The following MIPOL1 variants were observed in gnomAD, a reference collection of about 807,000 sequenced individuals.
MIPOL1 encodes mirror-image polydactyly gene 1 protein.
In MIPOL1, 57 loss-of-function variants were observed where a neutral mutation model predicts 60.9. That is an observed-to-expected ratio of 0.94 (90% CI 0.76 to 1.17). The LOEUF is 1.17. MIPOL1 is among the 50% of genes most tolerant of loss of function. The probability of loss-of-function intolerance (pLI) is 0.00; values close to 1 mark genes in which losing one functional copy is unlikely to be tolerated. For synonymous variants in MIPOL1, 179 were observed against 168.8 expected, an observed-to-expected ratio of 1.06 and a Z score of -0.47; for missense variants, 551 against 511.6, an observed-to-expected ratio of 1.08 and a Z score of -0.74.
chr14:37,289,468 A>C (rs1464704048), intron 7 of MIPOL1, among the ~76,000 whole-genome samples: 1 of 152,222 alleles, frequency 6.6e-6, no homozygotes, highest in Non-Finnish European at 1.5e-5. Context: ...GTGTTCATAC[A>C]GTCCCCTCTT....
chr14:37,457,822 T>C (rs1946609498), intron 11 of MIPOL1, among the ~76,000 whole-genome samples: 1 of 152,180 alleles, frequency 6.6e-6, no homozygotes, highest in South Asian at 2.1e-4. Context: ...CTAAATCACC[T>C]GTAGTATCAC....
Position 37,546,925 on chromosome 14 carries a change from T to C in MIPOL1, c.1283T>C (p.Val428Ala). 6.2e-7 allele frequency: 1 copy of C among 1,613,634 alleles called. No homozygotes were observed. The highest frequency in any genetic ancestry group is 8.5e-7 in the Non-Finnish European group (1 of 1,179,792). The change falls in exon 13 of 13, where the codon GTA (valine) becomes GCA (alanine). Residue 428 changes from valine (V) to alanine (A), a missense_variant. Physicochemically the swap from Val to Ala is moderately conservative, Grantham distance 64. Transcript: ENST00000684589. ...KVQKLERLVD[V>A]LRKKVGTGTM... ...CTTAGGTTGGAAAGGCTGGTGGATG[T>C]ACTGAGGAAGAAGGTTGGAACCGGG... is the stretch of plus-strand genomic sequence containing the variant.
At chr14:37,445,560 T>A (rs1466608986) in intron 11 of MIPOL1, among the ~76,000 whole-genome samples, 11 of 151,178 alleles carry the variant, frequency 7.3e-5, no homozygotes, top group Admixed American at 7.2e-4. Flanking sequence ...TTCACAGAAT[T>A]GGAAAAAACT....
At chr14:37,233,879 T>G (rs1057184325) in intron 1 of MIPOL1, among the ~76,000 whole-genome samples, 1 of 152,208 alleles carries the variant, frequency 6.6e-6, no homozygotes, top group Non-Finnish European at 1.5e-5. Flanking sequence ...TCGAACATCT[T>G]AAAAAACTGT....
intron 10 of MIPOL1, among the ~76,000 whole-genome samples, chr14:37,398,621 T>TA (rs1271368257): frequency 1.3e-5 from 2 of 152,176 alleles, no homozygotes. Flanking sequence ...GAAAAAACAT[T>TA]AAACAGTTTT....
chr14:37,336,638 G>A (rs1465995975), intron 9 of MIPOL1, among the ~76,000 whole-genome samples: 1 of 151,660 alleles, frequency 6.6e-6, no homozygotes, highest in Non-Finnish European at 1.5e-5. Flanking sequence ...TTAAATTTCT[G>A]GTCTGATAAT....
chr14:37,309,904 G>T (rs1188044621), intron 9 of MIPOL1, among the ~76,000 whole-genome samples: 1 of 151,916 alleles, frequency 6.6e-6, no homozygotes, highest in Non-Finnish European at 1.5e-5. Flanking sequence ...GGCCAGGCTG[G>T]TCTTGAACTG....
chr14:37,333,925 T>C (rs1189108616), intron 9 of MIPOL1, among the ~76,000 whole-genome samples: 4 of 152,046 alleles, frequency 2.6e-5, no homozygotes, highest in Non-Finnish European at 5.9e-5. Context: ...ATAAAAAAGA[T>C]AAGACTATAT....
chr14:37,481,788 A>G (rs1000433211), intron 11 of MIPOL1, among the ~76,000 whole-genome samples: 4 of 152,204 alleles, frequency 2.6e-5, no homozygotes, highest in African/African-American at 9.6e-5. Flanking sequence ...ACGCTCATAT[A>G]TATCATCAAT....
chr14:37,362,676 T>G (rs1440808565), intron 9 of MIPOL1, among the ~76,000 whole-genome samples: 1 of 152,190 alleles, frequency 6.6e-6, no homozygotes, highest in Admixed American at 6.5e-5. Flanking sequence ...TTGGGGAAGT[T>G]CTCCTGGATA....
At position 37,408,242 on chromosome 14, in the gene MIPOL1, T is replaced by C. The variant is rs181424939; in HGVS notation, c.937-14613T>C. On this transcript the variant is annotated intron_variant, in intron 10 of 12. Coordinates refer to ENST00000684589, the MANE Select transcript of MIPOL1 (RefSeq NM_001388067.1). ...TAGAGTGATTATATCCAAAATTTTATTTTACTTTTCATATATTTTTATTTT... is the reference window on the plus strand; with the variant it reads ...TAGAGTGATTATATCCAAAATTTTACTTTACTTTTCATATATTTTTATTTT... Among the ~76,000 whole-genome samples the C allele has an allele frequency of 1.6e-3, 248 of 152,280 alleles. 3 individuals are homozygous for C. The highest frequency in any genetic ancestry group is 2.1e-3 in the South Asian group (10 of 4,824).
At chr14:37,494,562 G>T (rs181193918) in intron 11 of MIPOL1, among the ~76,000 whole-genome samples, 2 of 152,176 alleles carry the variant, frequency 1.3e-5, no homozygotes, top group African/African-American at 2.4e-5. Context: ...GGTCAGTGAT[G>T]CAGGGCTTTA....
At chr14:37,283,602 G>A (rs1053246821) in intron 6 of MIPOL1, among the ~76,000 whole-genome samples, 2 of 152,120 alleles carry the variant, frequency 1.3e-5, no homozygotes, top group Admixed American at 1.3e-4. Flanking sequence ...AATATGTCTA[G>A]GAGTTAAGTC....
intron 11 of MIPOL1, among the ~76,000 whole-genome samples, chr14:37,430,383 T>A (rs1353667460): frequency 6.6e-6 from 1 of 152,110 alleles, no homozygotes; most frequent in Non-Finnish European, 1.5e-5. Context: ...TGCCATTAAG[T>A]TGTGTCTATT....
chr14:37,404,309 T>C (rs1884406), intron 10 of MIPOL1, among the ~76,000 whole-genome samples: 148,775 of 152,286 alleles, frequency 0.98, 72,769 homozygotes, highest in East Asian at 1. Context: ...CTAGGAAATA[T>C]AAGCTAGGGA....
chr14:37,263,781 A>G (rs987426352), intron 3 of MIPOL1, among the ~76,000 whole-genome samples: 4 of 152,230 alleles, frequency 2.6e-5, no homozygotes, highest in African/African-American at 7.2e-5. Context: ...ATTAAACACT[A>G]AAGTGGATTA....
chr14:37,408,518 T>C (rs1462066794), intron 10 of MIPOL1, among the ~76,000 whole-genome samples: 1 of 152,124 alleles, frequency 6.6e-6, no homozygotes, highest in African/African-American at 2.4e-5. Flanking sequence ...TAGTCCCGGC[T>C]ACCCAGGAGG....
At chr14:37,528,054 G>T (rs1046764112) in intron 12 of MIPOL1, among the ~76,000 whole-genome samples, 3 of 152,022 alleles carry the variant, frequency 2.0e-5, no homozygotes, top group African/African-American at 2.4e-5. Flanking sequence ...GTGATCAAAA[G>T]AAATATTAAT....
At chr14:37,358,171 A>G (rs1165780919) in intron 9 of MIPOL1, among the ~76,000 whole-genome samples, 1 of 152,132 alleles carries the variant, frequency 6.6e-6, no homozygotes, top group Non-Finnish European at 1.5e-5. Context: ...ATATGAACTC[A>G]TCCTTTTTTA....
Sources: allele counts gnomAD v4.1 joint callset (sites outside exome capture counted in the v4.1 genomes callset), GRCh38; gene constraint gnomAD v4.1.1; transcripts MANE v1.5; gene names NCBI Gene and HGNC (gene_info 2026-07-23, HGNC 2026-07-21).